The following NTN4 variants were observed in gnomAD, a reference collection of about 807,000 sequenced individuals.
NTN4 encodes the protein netrin-4.
A neutral mutation model predicts 73.6 loss-of-function variants in NTN4; 32 were observed. The ratio of observed to expected loss-of-function variants is 0.44; its 90% CI spans 0.33 to 0.58. NTN4 has a LOEUF of 0.58. NTN4 is among the 20% of genes least tolerant of loss of function. The pLI is 0.04. For synonymous variants in NTN4, 258 were observed against 287.5 expected (o/e 0.90, Z 1.04); for missense variants, 654 against 798.3 (o/e 0.82, Z 2.18).
At chr12:95,735,905 T>TTTTTTTTA (rs1555218763) in intron 3 of NTN4, among the ~76,000 whole-genome samples, 9 of 101,612 alleles carry the variant, frequency 8.9e-5, no homozygotes, top group African/African-American at 2.7e-4. Context: ...TTTTTTAAAT[T>TTTTTTTTA]TTTATTTATT....
chr12:95,779,744 T>C (rs1318912674), intron 2 of NTN4, among the ~76,000 whole-genome samples: 11 of 152,134 alleles, frequency 7.2e-5, no homozygotes, highest in Admixed American at 7.2e-4. Flanking sequence ...AAGTAATTTA[T>C]AGATTCAATG....
chr12:95,715,795 G>A (rs1209056854), intron 3 of NTN4, among the ~76,000 whole-genome samples: 1 of 151,976 alleles, frequency 6.6e-6, no homozygotes, highest in African/African-American at 2.4e-5. Context: ...TAAATTCAGT[G>A]TTCTCTCTCA....
chr12:95,672,165 A>G, intron 7 of NTN4: 1 of 472,756 alleles, frequency 2.1e-6, no homozygotes, highest in South Asian at 2.0e-5. Flanking sequence ...TACAAAAAAG[A>G]TTAAAAATTG....
intron 2 of NTN4, among the ~76,000 whole-genome samples, chr12:95,763,026 T>G (rs76800299): frequency 0.12 from 18,150 of 148,480 alleles, 1,500 homozygotes; most frequent in Non-Finnish European, 0.18. Flanking sequence ...CATAATTAAA[T>G]AAGATAAAAA....
At chr12:95,753,950 A>T (rs982029603) in intron 2 of NTN4, among the ~76,000 whole-genome samples, 2 of 152,108 alleles carry the variant, frequency 1.3e-5, no homozygotes, top group Non-Finnish European at 1.5e-5. Context: ...CTACTCATAC[A>T]TGCCCTGCTC....
chr12:95,694,420 G>T (rs1252429842), intron 5 of NTN4, among the ~76,000 whole-genome samples: 1 of 151,876 alleles, frequency 6.6e-6, no homozygotes, highest in Non-Finnish European at 1.5e-5. Context: ...TTTCTGAGGG[G>T]GATTTTTAAT....
In NTN4 at chr12:95,789,406, AC is replaced by A. The variant is rs2079191586; in HGVS notation, c.55+848del. 6.6e-6 allele frequency among the ~76,000 whole-genome samples: 1 copy of A among 151,994 alleles called. No homozygotes were observed. Among genetic ancestry groups the A allele is most frequent in the Non-Finnish European group, 1.5e-5 (1 of 68,006 alleles). On this transcript the variant is annotated intron_variant, in intron 1 of 9. Coordinates refer to ENST00000343702, the MANE Select transcript of NTN4 (RefSeq NM_021229.4). This position sits in a 1 kb window ranked among gnomAD's most constrained non-coding sequence, Gnocchi z 4.0. ...AGACTCCCTCACATCTCTCCCCCTC[AC>A]CTACAGGGCTGCGCTTACGCCTAAC...
At chr12:95,730,662 G>A (rs2078730875) in intron 3 of NTN4, among the ~76,000 whole-genome samples, 1 of 152,196 alleles carries the variant, frequency 6.6e-6, no homozygotes, top group African/African-American at 2.4e-5. Flanking sequence ...ATATGAGGTA[G>A]TAAATAAAGT....
intron 2 of NTN4, among the ~76,000 whole-genome samples, chr12:95,747,212 A>G (rs1342910611): frequency 1.3e-5 from 2 of 152,238 alleles, no homozygotes; most frequent in East Asian, 1.9e-4. Context: ...TAAACTTTGT[A>G]CATTTATTCA....
chr12:95,785,971 C>A (rs1018285176), intron 2 of NTN4, among the ~76,000 whole-genome samples: 7 of 152,136 alleles, frequency 4.6e-5, no homozygotes, highest in Non-Finnish European at 1.0e-4. Context: ...CTGGCCTCCA[C>A]CCACTAGATG....
At chr12:95,696,879 A>G (rs2078446306) in intron 5 of NTN4, among the ~76,000 whole-genome samples, 1 of 152,128 alleles carries the variant, frequency 6.6e-6, no homozygotes, top group African/African-American at 2.4e-5. Context: ...TTTTTGTAAG[A>G]AAAGTTCTTT....
intron 3 of NTN4, among the ~76,000 whole-genome samples, chr12:95,717,810 T>G (rs2078618296): frequency 6.6e-6 from 1 of 152,200 alleles, no homozygotes. Flanking sequence ...TCTAGTTATC[T>G]AATTAAAAAA....
At chr12:95,707,499 G>C (rs1220407432) in intron 5 of NTN4, among the ~76,000 whole-genome samples, 6 of 152,008 alleles carry the variant, frequency 3.9e-5, no homozygotes, top group African/African-American at 1.5e-4. Flanking sequence ...GTCCCTTACT[G>C]TACCCTGCCA....
At chr12:95,752,905 A>C (rs2078920804) in intron 2 of NTN4, among the ~76,000 whole-genome samples, 1 of 151,852 alleles carries the variant, frequency 6.6e-6, no homozygotes, top group Admixed American at 6.6e-5. Flanking sequence ...TCCAAAATCT[A>C]TTTTCTTCCT....
At chr12:95,738,813 T>C (rs1565902573) in intron 2 of NTN4, among the ~76,000 whole-genome samples, 1 of 152,276 alleles carries the variant, frequency 6.6e-6, no homozygotes, top group East Asian at 1.9e-4. Context: ...CAGTGAAATA[T>C]AACTGTGGGG....
rs1042550648 is a variant in NTN4, at chr12:95,790,209, G to A, written c.55+46C>T. The A allele has an allele frequency of 2.0e-6, 3 of 1,503,154 alleles. No homozygotes were observed. The African/African-American group carries it at 4.3e-5, about 22-fold the overall frequency. 93.1% of individuals were successfully genotyped at this position (1,503,154 alleles called of 1,614,324 possible). ...CCCCCGAGTCCCGAGATGGGTTAGAGAAGCAGCGAGGGAAGGGGTGGGGGC... is the reference window on the plus strand; with the variant it reads ...CCCCCGAGTCCCGAGATGGGTTAGAAAAGCAGCGAGGGAAGGGGTGGGGGC... On this transcript the variant is annotated intron_variant, in intron 1 of 9. Transcript: ENST00000343702. The surrounding 1 kb of genome is among the most constrained non-coding windows in gnomAD (Gnocchi z 6.5).
intron 3 of NTN4, among the ~76,000 whole-genome samples, chr12:95,716,885 C>A (rs1254647880): frequency 6.6e-6 from 1 of 152,126 alleles, no homozygotes; most frequent in Non-Finnish European, 1.5e-5. Flanking sequence ...TCACAGATCA[C>A]TGACACCTTG....
intron 3 of NTN4, among the ~76,000 whole-genome samples, chr12:95,734,867 C>G (rs943992439): frequency 1.3e-5 from 2 of 152,060 alleles, no homozygotes; most frequent in Non-Finnish European, 2.9e-5. Context: ...TGGAGAAACC[C>G]CATCTCTACT....
intron 5 of NTN4, among the ~76,000 whole-genome samples, chr12:95,686,774 GAAAAA>G (rs1332413472): frequency 6.6e-6 from 1 of 150,944 alleles, no homozygotes; most frequent in African/African-American, 2.4e-5. Context: ...AAAAAAGAAA[GAAAAA>G]AGAAAAGGAG....
Sources: allele counts gnomAD v4.1 joint callset (sites outside exome capture counted in the v4.1 genomes callset), GRCh38; gene constraint gnomAD v4.1.1; non-coding constraint Gnocchi (gnomAD v3.1); transcripts MANE v1.5; gene names NCBI Gene and HGNC (gene_info 2026-07-23, HGNC 2026-07-21).